PSKH2: variants seen among roughly 807,000 people sequenced by gnomAD.
PSKH2 encodes the protein protein serine kinase H2.
A neutral mutation model predicts 22.5 loss-of-function variants in PSKH2; 16 were observed. The observed-to-expected ratio is 0.71, with a 90% CI of 0.48 to 1.08. PSKH2 has a LOEUF of 1.08. Ranked by LOEUF, PSKH2 falls within the 50% of genes least tolerant of loss-of-function variation. The probability of loss-of-function intolerance (pLI) is 0.00; values close to 1 mark genes in which losing one functional copy is unlikely to be tolerated. For synonymous variants in PSKH2, 188 were observed against 184.8 expected, an observed-to-expected ratio of 1.02 and a Z score of -0.14; for missense variants, 516 against 492.8, an observed-to-expected ratio of 1.05 and a Z score of -0.44.
intron 2 of PSKH2, among the ~76,000 whole-genome samples, chr8:86,062,861 A>G (rs1461829546): frequency 6.6e-6 from 1 of 152,228 alleles, no homozygotes; most frequent in Non-Finnish European, 1.5e-5. Context: ...ACTTAGTGAG[A>G]GGGCTAATCT....
intron 2 of PSKH2, among the ~76,000 whole-genome samples, chr8:86,057,338 GT>G (rs1008797644): frequency 5.8e-4 from 86 of 147,090 alleles, no homozygotes; most frequent in African/African-American, 1.7e-3. Flanking sequence ...GAGCTCTAAA[GT>G]TTTTTTTTGT....
chr8:86,053,962 A>C (rs967225989), intron 2 of PSKH2, among the ~76,000 whole-genome samples: 3 of 152,064 alleles, frequency 2.0e-5, no homozygotes, highest in Admixed American at 6.6e-5. Flanking sequence ...GCTTAAGCCT[A>C]GGAGGTTGAG....
chr8:86,061,235 T>C (rs1158159666), intron 2 of PSKH2, among the ~76,000 whole-genome samples: 1 of 152,204 alleles, frequency 6.6e-6, no homozygotes, highest in Non-Finnish European at 1.5e-5. Flanking sequence ...CCCAGGAGTC[T>C]ATCCATAATA....
chr8:86,067,788 A>G (rs1817886370), intron 1 of PSKH2, among the ~76,000 whole-genome samples: 1 of 152,238 alleles, frequency 6.6e-6, no homozygotes, highest in African/African-American at 2.4e-5. Context: ...TGCAAAAGTT[A>G]TAGATGGAAT....
Position 86,063,900 on chromosome 8 carries a change from A to G in PSKH2, c.852+65T>C, listed in dbSNP as rs10090455. ...AAAATCATCCAGTCTTAAATGTCAA[A>G]AGTGACAAGGTGGAGAAGCCCCACT... is the stretch of plus-strand genomic sequence containing the variant. On this transcript the variant is annotated intron_variant, in intron 2 of 2. Coordinates refer to ENST00000276616, the MANE Select transcript of PSKH2 (RefSeq NM_033126.3). The G allele has an allele frequency of 5.0e-3, 6,629 of 1,320,918 alleles. 270 individuals carry two copies. The African/African-American group carries it at 0.087, about 17-fold the overall frequency. The allele number at this position is 1,320,918 out of a possible 1,614,324, so 81.8% of individuals were successfully genotyped here. A position where few individuals can be genotyped will look rare whatever the true frequency, so the allele number is the denominator to read the frequency against.
chr8:86,048,659 T>A lies in PSKH2; in HGVS notation c.961A>T (p.Ile321Phe). Reference protein sequence around the residue: ...AGQALDHPWVITMAAGSSMKN... With the variant: ...AGQALDHPWVFTMAAGSSMKN... ...ATGGAAGACCCTGCAGCCATGGTGA[T>A]CACCCAGGGATGGTCCAGGGCCTGG... The change falls in exon 3 of 3, where the codon ATC becomes TTC. Residue 321 changes from isoleucine to phenylalanine, a missense_variant. Ile to Phe is a conservative substitution (Grantham distance 21). Transcript: ENST00000276616. 1 of 1,614,102 alleles carries A rather than the reference T, an allele frequency of 6.2e-7. No individual in the cohort carries two copies. Among genetic ancestry groups the A allele is most frequent in the Non-Finnish European group, 8.5e-7 (1 of 1,180,004 alleles).
At chr8:86,068,310 C>T (rs1456867257) in intron 1 of PSKH2, among the ~76,000 whole-genome samples, 5 of 152,110 alleles carry the variant, frequency 3.3e-5, no homozygotes, top group Non-Finnish European at 5.9e-5. Flanking sequence ...GCTGAGCCAC[C>T]CATTATTGTG....
intron 1 of PSKH2, chr8:86,066,379 T>G (rs997857741): frequency 6.6e-6 from 1 of 152,198 alleles, no homozygotes; most frequent in East Asian, 1.9e-4. Context: ...TTTGTATTTT[T>G]TTTAGTAGAG....
At position 86,047,610 on chromosome 8, in the gene PSKH2, T is replaced by A. The variant is rs190907883; in HGVS notation, c.*852A>T. On this transcript the variant is annotated 3_prime_UTR_variant, in exon 3 of 3. Coordinates refer to ENST00000276616, the MANE Select transcript of PSKH2 (RefSeq NM_033126.3). ...TATATCATTTTACAAAAATTTACCA[T>A]ATAAGAGATCAGGCCATATGTGACT... 6.6e-6 allele frequency among the ~76,000 whole-genome samples: 1 copy of A among 152,154 alleles called. No homozygotes were observed. The highest frequency in any genetic ancestry group is 2.4e-5 in the African/African-American group (1 of 41,454).
intron 2 of PSKH2, among the ~76,000 whole-genome samples, chr8:86,060,170 C>G (rs1418037895): frequency 6.6e-6 from 1 of 152,154 alleles, no homozygotes; most frequent in Admixed American, 6.5e-5. Context: ...CTCCCCTCCC[C>G]CTCCCAGAAC....
At chr8:86,060,858 C>T (rs1425184720) in intron 2 of PSKH2, among the ~76,000 whole-genome samples, 1 of 152,134 alleles carries the variant, frequency 6.6e-6, no homozygotes, top group Non-Finnish European at 1.5e-5. Context: ...ACAGAGGGTG[C>T]CTTGCACCTC....
At chr8:86,054,022 C>A (rs1468995765) in intron 2 of PSKH2, among the ~76,000 whole-genome samples, 2 of 152,094 alleles carry the variant, frequency 1.3e-5, no homozygotes, top group South Asian at 4.1e-4. Context: ...GGTGACAGAG[C>A]AAGACCCTGT....
chr8:86,064,435 C>T lies in PSKH2; in HGVS notation c.382G>A (p.Glu128Lys), dbSNP rs761811648. ...RYIVQLMEIFETEDQVYMVME... is the reference protein window; with the variant it reads ...RYIVQLMEIFKTEDQVYMVME... ...ACCATGTAAACTTGATCCTCAGTCT[C>T]AAAGATCTCCATGAGCTGGACAATG... Residue 128 changes from glutamate (E) to lysine (K), a missense_variant, in exon 2 of 3, where the codon GAG becomes AAG. Physicochemically the swap from Glu to Lys is moderately conservative, Grantham distance 56 (BLOSUM62 1). Coordinates refer to ENST00000276616, the MANE Select transcript of PSKH2 (RefSeq NM_033126.3). 1.9e-6 allele frequency: 3 copies of T among 1,614,174 alleles called. No homozygotes were observed. The highest frequency in any genetic ancestry group is 2.5e-6 in the Non-Finnish European group (3 of 1,180,040).
chr8:86,049,739 AAAGAAAGAAACG>A (rs1208754790), intron 2 of PSKH2, among the ~76,000 whole-genome samples: 1 of 19,818 alleles, frequency 5.0e-5, no homozygotes, highest in Non-Finnish European at 1.1e-4. Flanking sequence ...AGAAAGAAAG[AAAGAAAGAAACG>A]AAAGAAAGAA....
At chr8:86,057,348 G>A (rs1027446086) in intron 2 of PSKH2, among the ~76,000 whole-genome samples, 2 of 148,764 alleles carry the variant, frequency 1.3e-5, no homozygotes, top group African/African-American at 5.0e-5. Context: ...GTTTTTTTTT[G>A]TTTGTTTGTT....
intron 1 of PSKH2, among the ~76,000 whole-genome samples, chr8:86,068,709 C>T (rs1160909965): frequency 6.6e-6 from 1 of 152,086 alleles, no homozygotes; most frequent in Non-Finnish European, 1.5e-5. Context: ...CGCTGTAATC[C>T]CAATTTTTAG....
At chr8:86,058,498 C>T (rs988056446) in intron 2 of PSKH2, among the ~76,000 whole-genome samples, 2 of 152,208 alleles carry the variant, frequency 1.3e-5, no homozygotes, top group Non-Finnish European at 2.9e-5. Context: ...TAATATTTTT[C>T]AAAAGCAATT....
chr8:86,065,235 CAG>C (rs1817840145), intron 1 of PSKH2, among the ~76,000 whole-genome samples: 1 of 152,154 alleles, frequency 6.6e-6, no homozygotes, highest in Admixed American at 6.5e-5. Flanking sequence ...TATCAGAAGA[CAG>C]AGAATAAACA....
intron 1 of PSKH2, among the ~76,000 whole-genome samples, chr8:86,068,295 A>G (rs1817892651): frequency 6.6e-6 from 1 of 152,204 alleles, no homozygotes; most frequent in Non-Finnish European, 1.5e-5. Context: ...TGCCTTGGGA[A>G]GCCAGCTGAG....
Sources: gnomAD v4.1 joint callset for allele counts (sites outside exome capture counted in the v4.1 genomes callset) on GRCh38, gnomAD v4.1.1 for gene constraint, MANE v1.5 for transcripts, NCBI Gene and HGNC (gene_info 2026-07-23, HGNC 2026-07-21) for gene names.